Variants in PATJ observed in about 807,000 individuals in gnomAD.
PATJ encodes PATJ crumbs cell polarity complex component.
Under a neutral mutation model 224.9 loss-of-function variants are expected in PATJ, and 190 were observed. The observed-to-expected ratio is 0.84, with a 90% confidence interval of 0.75 to 0.95. The LOEUF is 0.95. PATJ is among the 40% of genes least tolerant of loss of function. The probability of loss-of-function intolerance (pLI) is 0.00; values close to 1 mark genes in which losing one functional copy is unlikely to be tolerated. For synonymous variants in PATJ, 769 were observed against 820.3 expected (o/e 0.94, Z 1.07); for missense variants, 2,121 against 2,270.3 (o/e 0.93, Z 1.34).
At chr1:61,947,105 A>G (rs1044250450) in intron 27 of PATJ, among the ~76,000 whole-genome samples, 4 of 152,206 alleles carry the variant, frequency 2.6e-5, no homozygotes, top group Non-Finnish European at 5.9e-5. Context: ...ACCCACAGCC[A>G]ACATCGTACT....
intron 42 of PATJ, among the ~76,000 whole-genome samples, chr1:62,150,470 T>G (rs1267708903): frequency 1.3e-5 from 2 of 150,548 alleles, no homozygotes; most frequent in African/African-American, 4.9e-5. Context: ...AGTTAAGGAG[T>G]GTAGTTGGAG....
chr1:61,953,030 C>T (rs1021353784), intron 27 of PATJ, among the ~76,000 whole-genome samples: 5 of 152,048 alleles, frequency 3.3e-5, no homozygotes, highest in South Asian at 2.1e-4. Context: ...AATTTAAATT[C>T]GTTAGGGGTG....
chr1:61,853,610 T>C (rs1663177459), intron 17 of PATJ, among the ~76,000 whole-genome samples: 1 of 152,358 alleles, frequency 6.6e-6, no homozygotes, highest in South Asian at 2.1e-4. Context: ...TATTTATTAG[T>C]GTGTCAAACT....
chr1:61,874,880 G>A (rs1043054284), intron 20 of PATJ, among the ~76,000 whole-genome samples: 1 of 152,216 alleles, frequency 6.6e-6, no homozygotes, highest in Non-Finnish European at 1.5e-5. Flanking sequence ...CTATTTATTT[G>A]TAGATATCAG....
chr1:61,991,260 C>G (rs544352606), intron 28 of PATJ, among the ~76,000 whole-genome samples: 1 of 152,210 alleles, frequency 6.6e-6, no homozygotes, highest in Admixed American at 6.5e-5. Flanking sequence ...ACACAACAAC[C>G]TCTTTTACTG....
At chr1:61,875,428 G>C (rs1667219706) in intron 21 of PATJ, 62 bp downstream of exon 21, 8 of 1,320,096 alleles carry the variant, frequency 6.1e-6, no homozygotes, top group Non-Finnish European at 8.4e-6. Context: ...TCAGTTTTAT[G>C]TTTGTATACA....
intron 31 of PATJ, among the ~76,000 whole-genome samples, chr1:62,077,402 A>G (rs1048236441): frequency 2.0e-5 from 3 of 152,172 alleles, no homozygotes; most frequent in Non-Finnish European, 4.4e-5. Context: ...AATGATGCTG[A>G]TAGTGGCGGG....
At chr1:61,825,370 G>A (rs1007344953) in intron 15 of PATJ, among the ~76,000 whole-genome samples, 9 of 151,926 alleles carry the variant, frequency 5.9e-5, no homozygotes, top group South Asian at 2.1e-4. Context: ...CACTTAGGAG[G>A]GTCACAAGTT....
At chr1:61,859,401 T>C (rs1664195452) in intron 18 of PATJ, among the ~76,000 whole-genome samples, 1 of 152,036 alleles carries the variant, frequency 6.6e-6, no homozygotes, top group Admixed American at 6.5e-5. Flanking sequence ...GAGAGAAAGG[T>C]CAATTTCAAG....
Position 62,117,687 on chromosome 1 carries a change from G to A in PATJ, c.4890+469G>A, listed in dbSNP as rs148297872. The stretch of plus-strand genomic sequence containing the variant: ...GTGGGGGTTTTTCCTGTGGGAGGGA[G>A]GGCTTAGTGGGTGATATTTTGTGGG... On this transcript the variant is annotated intron_variant, in intron 37 of 43. Coordinates refer to ENST00000642238, the MANE Select transcript of PATJ (RefSeq NM_001350145.3). Among the ~76,000 whole-genome samples the A allele has an allele frequency of 3.4e-3, 519 of 152,260 alleles. 2 individuals carry two copies. The highest frequency in any genetic ancestry group is 0.012 in the African/African-American group (492 of 41,552).
In PATJ at chr1:62,037,962, T is replaced by G. The variant is rs1310159878; in HGVS notation, c.3960-15T>G. On this transcript the variant is annotated splice_polypyrimidine_tract_variant and intron_variant, in intron 29 of 43. Transcript: ENST00000642238. ...TTTACTGTGTACTGATTCTGCCTATTTTAACACTTCACAGAAACGAGGATG... is the reference window on the plus strand; with the variant it reads ...TTTACTGTGTACTGATTCTGCCTATGTTAACACTTCACAGAAACGAGGATG... The G allele has an allele frequency of 6.3e-7, 1 of 1,592,494 alleles. No individual in the cohort carries two copies. Among genetic ancestry groups the G allele is most frequent in the Non-Finnish European group, 8.6e-7 (1 of 1,164,844 alleles).
chr1:61,917,377 CTTTCA>C (rs1557873464), intron 26 of PATJ, among the ~76,000 whole-genome samples: 1 of 152,196 alleles, frequency 6.6e-6, no homozygotes, highest in East Asian at 1.9e-4. Flanking sequence ...GAAATACTCT[CTTTCA>C]TTCCTACTTT....
At chr1:61,902,386 A>C (rs987488709) in intron 24 of PATJ, among the ~76,000 whole-genome samples, 1 of 151,922 alleles carries the variant, frequency 6.6e-6, no homozygotes, top group Admixed American at 6.6e-5. Context: ...ACTGTTAATC[A>C]TGGTGTTTCA....
intron 41 of PATJ, among the ~76,000 whole-genome samples, chr1:62,147,322 G>A (rs148030869): frequency 6.5e-4 from 99 of 152,212 alleles, no homozygotes; most frequent in Middle Eastern, 6.8e-3. Context: ...AAATAAACTA[G>A]TGAATTGTGG....
At chr1:62,046,147 A>C (rs1467377954) in intron 30 of PATJ, among the ~76,000 whole-genome samples, 1 of 146,654 alleles carries the variant, frequency 6.8e-6, no homozygotes, top group East Asian at 2.1e-4. Context: ...GGCTTCAGTG[A>C]GCTGTGATCA....
intron 27 of PATJ, among the ~76,000 whole-genome samples, chr1:61,977,051 A>C (rs1182295239): frequency 6.6e-6 from 1 of 152,026 alleles, no homozygotes; most frequent in Non-Finnish European, 1.5e-5. Flanking sequence ...TTCAAATCAG[A>C]TTCAAACAAG....
chr1:62,108,656 T>C, intron 34 of PATJ, 136 bp downstream of exon 34: 1 of 506,862 alleles, frequency 2.0e-6, no homozygotes, highest in East Asian at 3.0e-5. Flanking sequence ...TCATATTCTT[T>C]TTTTCTTCAG....
Position 61,763,079 on chromosome 1 carries a change from C to T in PATJ, c.89C>T (p.Ser30Leu), listed in dbSNP as rs145544558. The T allele has an allele frequency of 4.3e-6, 7 of 1,610,798 alleles. No homozygotes were observed. The highest frequency in any genetic ancestry group is 2.2e-5 in the East Asian group (1 of 44,740). The change falls in exon 3 of 44, where the codon TCG (serine) becomes TTG (leucine). Residue 30 changes from serine (S) to leucine (L), a missense_variant. Coordinates refer to ENST00000642238, the MANE Select transcript of PATJ (RefSeq NM_001350145.3). The part of the protein sequence containing the change: ...KMKLQEKGDT[S>L]QNEKLSMFYE... ...AAATTGCAGGAGAAGGGTGACACGT[C>T]GCAGAATGAGAAGTTATCTATGTTT...
chr1:62,025,420 T>C (rs940712939), intron 29 of PATJ, among the ~76,000 whole-genome samples: 1 of 152,164 alleles, frequency 6.6e-6, no homozygotes, highest in African/African-American at 2.4e-5. Flanking sequence ...CATGGCCTTA[T>C]GGTGAGGGCT....
Sources: gnomAD v4.1 joint callset for allele counts (sites outside exome capture counted in the v4.1 genomes callset) on GRCh38, gnomAD v4.1.1 for gene constraint, MANE v1.5 for transcripts, NCBI Gene and HGNC (gene_info 2026-07-23, HGNC 2026-07-21) for gene names.